Variants in LAYN observed in about 807,000 individuals in gnomAD.
The protein encoded by LAYN is layilin.
LAYN carries 38 observed loss-of-function variants against 43.6 expected under a neutral mutation model. The ratio of observed to expected loss-of-function variants is 0.87; its 90% CI spans 0.67 to 1.14. The LOEUF (loss-of-function observed/expected upper bound fraction) is 1.14, where lower values mean the gene tolerates loss of function less well. Ranked by LOEUF, LAYN falls within the 50% of genes most tolerant of loss-of-function variation. The pLI is 0.00. For synonymous variants in LAYN, 168 were observed against 172.9 expected (o/e 0.97, Z 0.22); for missense variants, 479 against 463.8 (o/e 1.03, Z -0.30).
chr11:111,559,852 C>T (rs1867920233), intron 6 of LAYN, among the ~76,000 whole-genome samples: 1 of 151,998 alleles, frequency 6.6e-6, no homozygotes, highest in Admixed American at 6.6e-5. Flanking sequence ...CTCTAGGGAA[C>T]CCCAGGATAA....
intron 1 of LAYN, among the ~76,000 whole-genome samples, chr11:111,543,006 T>C (rs1175205610): frequency 6.6e-6 from 1 of 152,214 alleles, no homozygotes; most frequent in African/African-American, 2.4e-5. Context: ...TCTGTTTGTC[T>C]GAGATGATCT....
chr11:111,549,689 C>G lies in LAYN; in HGVS notation c.455C>G (p.Pro152Arg), dbSNP rs372504131. Residue 152 changes from proline (P) to arginine (R), a missense_variant, in exon 3 of 7, where the codon CCC (proline) becomes CGC (arginine). Pro to Arg is a moderately radical substitution (Grantham distance 103). Transcript: ENST00000375614. ...GTCATGTACCATCAGCCATCGGCAC[C>G]CGCTGGCATCGGAGGCCCCTACATG... is the stretch of plus-strand genomic sequence containing the variant. Reference protein sequence around the residue: ...CVVMYHQPSAPAGIGGPYMFQ... With the variant: ...CVVMYHQPSARAGIGGPYMFQ... 4.2e-5 allele frequency: 68 copies of G among 1,603,394 alleles called. No homozygotes were observed. Among genetic ancestry groups the G allele is most frequent in the Non-Finnish European group, 5.5e-5 (65 of 1,176,042 alleles).
At chr11:111,551,448 C>T in intron 3 of LAYN, 1 of 455,986 alleles carries the variant, frequency 2.2e-6, no homozygotes, top group Non-Finnish European at 4.4e-6. Flanking sequence ...GAGGTGGGCA[C>T]ATGGAGAAAA....
intron 6 of LAYN, among the ~76,000 whole-genome samples, chr11:111,558,461 A>C (rs1867883646): frequency 6.6e-6 from 1 of 152,208 alleles, no homozygotes; most frequent in African/African-American, 2.4e-5. Context: ...TTGCAGAATA[A>C]GTATATACTA....
At chr11:111,553,495 T>C (rs1469062262) in intron 3 of LAYN, among the ~76,000 whole-genome samples, 1 of 151,712 alleles carries the variant, frequency 6.6e-6, no homozygotes, top group African/African-American at 2.4e-5. Flanking sequence ...GGCGCATGCC[T>C]ATAATCCCAG....
At chr11:111,549,091 C>G (rs1303784574) in intron 2 of LAYN, among the ~76,000 whole-genome samples, 1 of 152,188 alleles carries the variant, frequency 6.6e-6, no homozygotes, top group Admixed American at 6.5e-5. Flanking sequence ...TTGTCCCCAC[C>G]CTTTCACCTG....
At chr11:111,543,854 G>A in intron 1 of LAYN, 69 bp from the exon 2 acceptor site, 2 of 1,439,892 alleles carry the variant, frequency 1.4e-6, no homozygotes, top group Non-Finnish European at 1.9e-6. Flanking sequence ...TCCTTTGGAT[G>A]CCTCCACGTA....
chr11:111,553,430 G>A (rs1385612462), intron 3 of LAYN, among the ~76,000 whole-genome samples: 2 of 151,406 alleles, frequency 1.3e-5, no homozygotes, highest in African/African-American at 2.4e-5. Context: ...CCTGACCAAC[G>A]TGGTGAAACC....
intron 1 of LAYN, among the ~76,000 whole-genome samples, chr11:111,542,112 C>T (rs1392472444): frequency 2.0e-5 from 3 of 152,228 alleles, no homozygotes; most frequent in African/African-American, 2.4e-5. Flanking sequence ...TTATGTTATG[C>T]CGGTGGCCAG....
chr11:111,557,736 G>C, intron 6 of LAYN, 93 bp downstream of exon 6: 1 of 1,014,096 alleles, frequency 9.9e-7, no homozygotes, highest in East Asian at 2.4e-5. Flanking sequence ...ACCCACGGCA[G>C]CACCAAGAGT....
chr11:111,540,433 T>G, upstream of LAYN: 1 of 222,374 alleles, frequency 4.5e-6, no homozygotes, highest in Non-Finnish European at 8.9e-6. Context: ...GTGGTGCTAG[T>G]TTTAGGCACA....
intron 5 of LAYN, among the ~76,000 whole-genome samples, chr11:111,556,695 G>T (rs933930550): frequency 1.3e-5 from 2 of 152,180 alleles, no homozygotes; most frequent in African/African-American, 4.8e-5. Context: ...GGTATTTAAA[G>T]TGGGTTTTGA....
chr11:111,542,924 C>A (rs1202040049), intron 1 of LAYN, among the ~76,000 whole-genome samples: 1 of 152,336 alleles, frequency 6.6e-6, no homozygotes, highest in Non-Finnish European at 1.5e-5. Context: ...AGCAAGGCTT[C>A]AGTCACACAG....
chr11:111,549,142 T>C (rs1236567191), intron 2 of LAYN, among the ~76,000 whole-genome samples: 2 of 152,224 alleles, frequency 1.3e-5, no homozygotes, highest in Non-Finnish European at 2.9e-5. Context: ...GCTCATGTGC[T>C]TGAATTTCTT....
At chr11:111,556,049 C>G (rs939775618) in intron 5 of LAYN, among the ~76,000 whole-genome samples, 5 of 152,144 alleles carry the variant, frequency 3.3e-5, no homozygotes, top group African/African-American at 1.2e-4. Context: ...GTTTAGGGGT[C>G]CCCAGGCCAC....
intron 2 of LAYN, among the ~76,000 whole-genome samples, chr11:111,549,043 A>G (rs1867694389): frequency 6.6e-6 from 1 of 152,226 alleles, no homozygotes; most frequent in African/African-American, 2.4e-5. Context: ...AGTGGAAACA[A>G]CTTAAAAACT....
At chr11:111,559,950 C>G (rs1190486032) in intron 6 of LAYN, 145 bp from the exon 7 acceptor site, 1 of 894,746 alleles carries the variant, frequency 1.1e-6, no homozygotes. Flanking sequence ...CCTCCCACTC[C>G]GAAGCCCTGG....
rs1867523904 is a variant in LAYN, at chr11:111,540,949, G to T, written c.85+21G>T. On this transcript the variant is annotated intron_variant, in intron 1 of 6. Transcript: ENST00000375614. Reference sequence around the variant, plus strand: ...GAGTGGTGAGTGCGCGCGCTGGGGCGGGGGCTGGTGCCGGGGTGGGCTCAC... The same window carrying T: ...GAGTGGTGAGTGCGCGCGCTGGGGCTGGGGCTGGTGCCGGGGTGGGCTCAC... 4.6e-6 allele frequency: 7 copies of T among 1,527,090 alleles called. No homozygotes were observed. In the East Asian group the frequency reaches 1.7e-4, roughly 38 times the overall value. The allele number at this position is 1,527,090 out of a possible 1,614,324, so 94.6% of individuals were successfully genotyped here. A position where few individuals can be genotyped will look rare whatever the true frequency, so the allele number is the denominator to read the frequency against.
upstream of LAYN, chr11:111,540,710 C>T (rs538098014): frequency 9.5e-6 from 8 of 839,098 alleles, no homozygotes; most frequent in Non-Finnish European, 1.4e-5. Flanking sequence ...CGCCCTCCCC[C>T]CCGCCTCCCG....
Sources: gnomAD v4.1 joint callset for allele counts (sites outside exome capture counted in the v4.1 genomes callset) on GRCh38, gnomAD v4.1.1 for gene constraint, MANE v1.5 for transcripts, NCBI Gene and HGNC (gene_info 2026-07-23, HGNC 2026-07-21) for gene names.